Variants in UPK3A observed in about 807,000 individuals in gnomAD.
UPK3A encodes the protein uroplakin 3A.
In UPK3A, 32 loss-of-function variants were observed where a neutral mutation model predicts 27.6. That is an observed-to-expected ratio of 1.16 (90% CI 0.87 to 1.55). The LOEUF (loss-of-function observed/expected upper bound fraction) is 1.55, where lower values mean the gene tolerates loss of function less well. Among genes scored for constraint, UPK3A ranks in the 40% most tolerant of loss-of-function variants. The pLI, the probability that UPK3A is intolerant of heterozygous loss-of-function variation, is 0.00. For synonymous variants in UPK3A, 171 were observed against 163.9 expected, an observed-to-expected ratio of 1.04 and a Z score of -0.33; for missense variants, 370 against 367.9, an observed-to-expected ratio of 1.01 and a Z score of -0.05.
chr22:45,291,702 A>AGT (rs1193046417), intron 4 of UPK3A, among the ~76,000 whole-genome samples: 6 of 125,264 alleles, frequency 4.8e-5, no homozygotes, highest in African/African-American at 1.3e-4. Flanking sequence ...GGTGTGTGAG[A>AGT]GTGGCAGTGT....
rs745753597 is a variant in UPK3A, at chr22:45,289,068, T to C, written c.496T>C (p.Tyr166His). The change falls in exon 4 of 6, where the codon TAT (tyrosine) becomes CAT (histidine). Residue 166 changes from tyrosine (Y) to histidine (H), a missense_variant. Coordinates refer to ENST00000216211, the MANE Select transcript of UPK3A (RefSeq NM_006953.4). The stretch of plus-strand genomic sequence containing the variant: ...GGCTCCGTCTCCTTCCAGGTTCAAG[T>C]ATGTCCTGGTCAATATGTCCACGGG... ...LSAATEYRFK[Y>H]VLVNMSTGLV... 3 of 1,613,796 alleles carry C rather than the reference T, an allele frequency of 1.9e-6. No individual in the cohort carries two copies. The South Asian group carries it at 3.3e-5, about 18-fold the overall frequency.
In UPK3A at chr22:45,286,022, C is replaced by T; in HGVS notation, c.134C>T (p.Pro45Leu). ...CTTACCACTGTGGCCTTGGAAAAGC[C>T]TCTCTGCATGTTTGACAGCAAAGAG... The part of the protein sequence containing the change: ...PTLTTVALEK[P>L]LCMFDSKEAL... The change falls in exon 2 of 6, where the codon CCT becomes CTT. Residue 45 changes from proline (P) to leucine (L), a missense_variant. Transcript: ENST00000216211. 3.7e-6 allele frequency: 6 copies of T among 1,614,196 alleles called. No individual in the cohort carries two copies. The highest frequency in any genetic ancestry group is 5.1e-6 in the Non-Finnish European group (6 of 1,180,028).
rs756563610 is a variant in UPK3A at position 45,287,305 on chromosome 22, C to A, written c.342C>A (p.Pro114=). ...AFDLIPCSDL[P]SLDAIGDVSK... Reference sequence around the variant, plus strand: ...ACCTGATCCCCTGCAGTGACCTGCCCAGCCTGGATGCCATTGGGGATGTGT... The same window carrying A: ...ACCTGATCCCCTGCAGTGACCTGCCAAGCCTGGATGCCATTGGGGATGTGT... Residue 114 remains proline, a synonymous_variant, in exon 3 of 6, where the codon CCC becomes CCA. Coordinates refer to ENST00000216211, the MANE Select transcript of UPK3A (RefSeq NM_006953.4). 3.1e-6 allele frequency: 5 copies of A among 1,614,228 alleles called. No individual in the cohort carries two copies. In the South Asian group the frequency reaches 5.5e-5, roughly 18 times the overall value.
intron 3 of UPK3A, 110 bp from the exon 4 acceptor site, chr22:45,288,951 G>A (rs1601848199): frequency 1.0e-6 from 1 of 994,290 alleles, no homozygotes; most frequent in East Asian, 2.5e-5. Context: ...TCCTGGAAGG[G>A]CCCCCGCTGC....
chr22:45,293,075 C>A (rs2084172085), intron 4 of UPK3A, 106 bp from the exon 5 acceptor site: 3 of 1,547,674 alleles, frequency 1.9e-6, no homozygotes, highest in Non-Finnish European at 1.7e-6. Flanking sequence ...CCAGGGTCAT[C>A]CCTGGATCCC....
At chr22:45,287,067 C>T in intron 2 of UPK3A, 105 bp from the exon 3 acceptor site, 1 of 1,544,178 alleles carries the variant, frequency 6.5e-7, no homozygotes. Context: ...CAGTGCCCAG[C>T]ACAGAGCTGG....
chr22:45,288,666 G>A (rs1434355701), intron 3 of UPK3A, among the ~76,000 whole-genome samples: 1 of 152,214 alleles, frequency 6.6e-6, no homozygotes, highest in East Asian at 1.9e-4. Flanking sequence ...TCTTTGTGAT[G>A]CCAAGGAGCA....
In UPK3A at chr22:45,285,974, C is replaced by CT. The variant is rs1342516374; in HGVS notation, c.89dup (p.Ala31ArgfsTer20). ...CTGCAGCCCCAACTGGCCAGTGTGA[C>CT]TTTCGCCACCAACAACCCCACACTT... On this transcript the variant is annotated frameshift_variant, in exon 2 of 6. Transcript: ENST00000216211. LOFTEE classifies it high-confidence loss of function. 1.2e-6 allele frequency: 2 copies of CT among 1,614,014 alleles called. No homozygotes were observed. Among genetic ancestry groups the CT allele is most frequent in the East Asian group, 2.2e-5 (1 of 44,896 alleles).
chr22:45,287,516 G>C, intron 3 of UPK3A, 65 bp downstream of exon 3: 2 of 1,542,598 alleles, frequency 1.3e-6, no homozygotes, highest in South Asian at 2.4e-5. Context: ...AGGGAGAGCA[G>C]GGGCAAAGTA....
In UPK3A at chr22:45,286,065, C is replaced by G. The variant is rs373727286; in HGVS notation, c.177C>G (p.His59Gln). The change falls in exon 2 of 6, where the codon CAC (histidine) becomes CAG (glutamine). Residue 59 changes from histidine (H) to glutamine (Q), a missense_variant. Physicochemically the swap from His to Gln is conservative, Grantham distance 24. Coordinates refer to ENST00000216211, the MANE Select transcript of UPK3A (RefSeq NM_006953.4). ...GCAAAGAGGCCCTCACTGGCACCCACGAGGTCTACCTGTATGTCCTGGTCG... is the reference window on the plus strand; with the variant it reads ...GCAAAGAGGCCCTCACTGGCACCCAGGAGGTCTACCTGTATGTCCTGGTCG... ...FDSKEALTGT[H>Q]EVYLYVLVDS... 6.2e-7 allele frequency: 1 copy of G among 1,614,170 alleles called. No homozygotes were observed. Among genetic ancestry groups the G allele is most frequent in the East Asian group, 2.2e-5 (1 of 44,882 alleles).
chr22:45,288,386 G>A (rs1044315923), intron 3 of UPK3A, among the ~76,000 whole-genome samples: 1 of 152,198 alleles, frequency 6.6e-6, no homozygotes, highest in Non-Finnish European at 1.5e-5. Context: ...TTTTAGTAGA[G>A]ACGGGGTTTC....
Position 45,289,098 on chromosome 22 carries a change from G to A in UPK3A, c.526G>A (p.Val176Ile). ...CCTGGTCAATATGTCCACGGGCTTG[G>A]TAGAGGACCAGACCCTGTGGTCAGA... is the stretch of plus-strand genomic sequence containing the variant. ...YVLVNMSTGL[V>I]EDQTLWSDPI... The change falls in exon 4 of 6, where the codon GTA becomes ATA. Residue 176 changes from valine to isoleucine, a missense_variant. Coordinates refer to ENST00000216211, the MANE Select transcript of UPK3A (RefSeq NM_006953.4). The A allele has an allele frequency of 6.2e-7, 1 of 1,614,032 alleles. No homozygotes were observed. The highest frequency in any genetic ancestry group is 1.1e-5 in the South Asian group (1 of 91,084).
chr22:45,287,235 A>T lies in UPK3A; in HGVS notation c.272A>T (p.Gln91Leu), dbSNP rs6006979. The T allele has an allele frequency of 2.4e-3, 3,868 of 1,614,198 alleles. 74 individuals carry two copies. In the African/African-American group the frequency reaches 0.045, roughly 19 times the overall value. ...ACCCCACTGGGCTCAACGTTCCTAC[A>T]AACAGAGGGTGGGAGGACAGGTCCC... Reference protein sequence around the residue: ...TNTPLGSTFLQTEGGRTGPYK... With the variant: ...TNTPLGSTFLLTEGGRTGPYK... Residue 91 changes from glutamine (Q) to leucine (L), a missense_variant, in exon 3 of 6, where the codon CAA becomes CTA. Transcript: ENST00000216211.
rs754792811 is a variant in UPK3A at position 45,286,031 on chromosome 22, T to A, written c.143T>A (p.Met48Lys). ...GTGGCCTTGGAAAAGCCTCTCTGCA[T>A]GTTTGACAGCAAAGAGGCCCTCACT... Reference protein sequence around the residue: ...TTVALEKPLCMFDSKEALTGT... With the variant: ...TTVALEKPLCKFDSKEALTGT... The change falls in exon 2 of 6, where the codon ATG becomes AAG. Residue 48 changes from methionine to lysine, a missense_variant. By Grantham distance (95) the Met-to-Lys change is moderately conservative. Coordinates refer to ENST00000216211, the MANE Select transcript of UPK3A (RefSeq NM_006953.4). 4 of 1,614,058 alleles carry A rather than the reference T, an allele frequency of 2.5e-6. No homozygotes were observed. In the African/African-American group the frequency reaches 5.3e-5, roughly 22 times the overall value.
rs149149810 is a variant in UPK3A at position 45,295,565 on chromosome 22, T to A, written c.710T>A (p.Met237Lys). ...AGAIALSLVD[M>K]GSSDGETTHD... ...CTTTCCATCCCCTTGGACAGGGACA[T>A]GGGGAGTTCTGATGGGGAAACGACT... The change falls in exon 6 of 6, where the codon ATG becomes AAG. Residue 237 changes from methionine to lysine, a missense_variant. By Grantham distance (95) the Met-to-Lys change is moderately conservative. Transcript: ENST00000216211. The A allele has an allele frequency of 2.5e-5, 41 of 1,614,012 alleles. No individual in the cohort carries two copies. In the African/African-American group the frequency reaches 3.6e-4, roughly 14 times the overall value.
chr22:45,294,413 A>AG (rs1555906404), intron 5 of UPK3A, among the ~76,000 whole-genome samples: 2 of 149,418 alleles, frequency 1.3e-5, no homozygotes, highest in African/African-American at 4.9e-5. Flanking sequence ...ACCCTGGTAC[A>AG]CCCCCCCCGG....
intron 4 of UPK3A, among the ~76,000 whole-genome samples, chr22:45,290,278 G>A (rs370138863): frequency 6.8e-4 from 103 of 152,300 alleles, no homozygotes; most frequent in African/African-American, 2.4e-3. Flanking sequence ...CCACACCTTG[G>A]CCCCCAAGAC....
chr22:45,289,182 A>T, intron 4 of UPK3A, 39 bp downstream of exon 4: 1 of 1,607,056 alleles, frequency 6.2e-7, no homozygotes. Context: ...GCTCAAGGGG[A>T]CCCGAGAAGG....
rs777174751 is a variant in UPK3A, at chr22:45,293,205, C to A, written c.596C>A (p.Thr199Lys). The A allele has an allele frequency of 2.5e-6, 4 of 1,613,940 alleles. No individual in the cohort carries two copies. Among genetic ancestry groups the A allele is most frequent in the Non-Finnish European group, 3.4e-6 (4 of 1,180,054 alleles). The part of the protein sequence containing the change: ...NQLTPYSTID[T>K]WPGRRSGGMI... Reference sequence around the variant, plus strand: ...GTCACCCCATACTCGACGATCGACACGTGGCCAGGCCGGCGGAGCGGAGGC... The same window carrying A: ...GTCACCCCATACTCGACGATCGACAAGTGGCCAGGCCGGCGGAGCGGAGGC... The change falls in exon 5 of 6, where the codon ACG (threonine) becomes AAG (lysine). Residue 199 changes from threonine to lysine, a missense_variant. Physicochemically the swap from Thr to Lys is moderately conservative, Grantham distance 78. Transcript: ENST00000216211.
Sources: gnomAD v4.1 joint callset for allele counts (sites outside exome capture counted in the v4.1 genomes callset) on GRCh38, gnomAD v4.1.1 for gene constraint, MANE v1.5 for transcripts, NCBI Gene and HGNC (gene_info 2026-07-23, HGNC 2026-07-21) for gene names.